SPMIP2: variants seen among roughly 807,000 people sequenced by gnomAD.
SPMIP2 encodes the protein protein SPMIP2.
At chr4:158,934,927 A>C in the SPMIP2 span, among the ~76,000 whole-genome samples, 3 of 152,142 alleles carry the variant, frequency 2.0e-5, no homozygotes, top group Admixed American at 2.0e-4. Context: ...AGCTCCATTC[A>C]TTCAGCAAAC....
chr4:159,029,086 C>T, the SPMIP2 span, among the ~76,000 whole-genome samples: 1 of 152,210 alleles, frequency 6.6e-6, no homozygotes, highest in African/African-American at 2.4e-5. Context: ...CAGAGCAAGA[C>T]TCTGTCTCAA....
the SPMIP2 span, among the ~76,000 whole-genome samples, chr4:158,979,486 C>A: frequency 6.6e-6 from 1 of 152,182 alleles, no homozygotes; most frequent in African/African-American, 2.4e-5. Flanking sequence ...AAGATCAACA[C>A]AGAAGGTGGG....
At chr4:158,953,975 G>A in the SPMIP2 span, among the ~76,000 whole-genome samples, 1 of 152,222 alleles carries the variant, frequency 6.6e-6, no homozygotes, top group African/African-American at 2.4e-5. Flanking sequence ...AGGCTCATAG[G>A]CAGAAGGGAC....
At chr4:159,036,964 A>G in the SPMIP2 span, among the ~76,000 whole-genome samples, 12 of 152,120 alleles carry the variant, frequency 7.9e-5, 1 homozygote, top group East Asian at 2.1e-3. Context: ...CCCAACTTTG[A>G]ACATTCCTAG....
chr4:158,907,326 T>C, the SPMIP2 span: 3 of 152,360 alleles, frequency 2.0e-5, no homozygotes, highest in Admixed American at 1.3e-4. Flanking sequence ...CGAAGTGTGC[T>C]GTTTTTTAAT....
At chr4:158,915,338 C>T in the SPMIP2 span, 1 of 1,612,324 alleles carries the variant, frequency 6.2e-7, no homozygotes, top group Non-Finnish European at 8.5e-7. Context: ...CTTGCATATC[C>T]AGGACATGAG....
At chr4:158,902,185 T>G in the SPMIP2 span, among the ~76,000 whole-genome samples, 1 of 152,144 alleles carries the variant, frequency 6.6e-6, no homozygotes, top group Non-Finnish European at 1.5e-5. Flanking sequence ...TGGACGTCCT[T>G]TTTGTTGATG....
At chr4:159,067,168 A>G in the SPMIP2 span, among the ~76,000 whole-genome samples, 3 of 152,238 alleles carry the variant, frequency 2.0e-5, no homozygotes, top group Non-Finnish European at 2.9e-5. Flanking sequence ...AAATAAACAT[A>G]AATGTGATTA....
At chr4:159,026,131 T>A in the SPMIP2 span, 1 of 319,232 alleles carries the variant, frequency 3.1e-6, no homozygotes, top group South Asian at 3.5e-5. Flanking sequence ...CCATGACCAC[T>A]GTTCAGCAGA....
the SPMIP2 span, among the ~76,000 whole-genome samples, chr4:158,992,221 T>G: frequency 1.3e-5 from 2 of 152,216 alleles, no homozygotes; most frequent in Admixed American, 1.3e-4. Context: ...CTTCATCAAA[T>G]GCTGCTCGTA....
At chr4:158,911,177 C>T in the SPMIP2 span, among the ~76,000 whole-genome samples, 3 of 151,946 alleles carry the variant, frequency 2.0e-5, no homozygotes, top group Admixed American at 1.3e-4. Context: ...GGTAACATTT[C>T]GTTAAAAGTG....
At chr4:158,898,456 C>A in the SPMIP2 span, among the ~76,000 whole-genome samples, 79 of 152,156 alleles carry the variant, frequency 5.2e-4, no homozygotes, top group African/African-American at 1.8e-3. Flanking sequence ...AATATTGATT[C>A]TTCCTATCCA....
chr4:159,059,672 C>T, the SPMIP2 span, among the ~76,000 whole-genome samples: 53 of 152,314 alleles, frequency 3.5e-4, no homozygotes, highest in African/African-American at 1.1e-3. Context: ...CACACTCAGG[C>T]TGAGTTAATT....
At chr4:158,939,705 T>A in the SPMIP2 span, among the ~76,000 whole-genome samples, 16 of 152,092 alleles carry the variant, frequency 1.1e-4, no homozygotes, top group African/African-American at 3.9e-4. Context: ...GGGCCGGGTG[T>A]GGTGGCTCAC....
At chr4:158,930,611 C>T in the SPMIP2 span, among the ~76,000 whole-genome samples, 2 of 151,974 alleles carry the variant, frequency 1.3e-5, no homozygotes, top group Non-Finnish European at 2.9e-5. Flanking sequence ...TCTGTCTCAG[C>T]CTCCTGAGAA....
At chr4:158,984,063 G>A in the SPMIP2 span, among the ~76,000 whole-genome samples, 6 of 124,004 alleles carry the variant, frequency 4.8e-5, no homozygotes, top group African/African-American at 1.5e-4. Context: ...ATTACATAAT[G>A]GTAAAGGGAT....
chr4:159,005,741 G>T, the SPMIP2 span, among the ~76,000 whole-genome samples: 2 of 152,138 alleles, frequency 1.3e-5, no homozygotes, highest in African/African-American at 4.8e-5. Flanking sequence ...ATTAAACAAA[G>T]TATATTATTA....
the SPMIP2 span, among the ~76,000 whole-genome samples, chr4:158,962,130 G>A: frequency 3.3e-5 from 5 of 152,016 alleles, no homozygotes; most frequent in Non-Finnish European, 5.9e-5. Flanking sequence ...TTCACATATC[G>A]TGAGTTACAC....
At chr4:158,965,246 C>G in the SPMIP2 span, among the ~76,000 whole-genome samples, 1 of 54,258 alleles carries the variant, frequency 1.8e-5, no homozygotes, top group Admixed American at 2.6e-4. Flanking sequence ...CAAAATACAC[C>G]AGGATTTTTT....
Sources: gnomAD v4.1 joint callset for allele counts (sites outside exome capture counted in the v4.1 genomes callset) on GRCh38, gnomAD v4.1.1 for gene constraint, MANE v1.5 for transcripts, NCBI Gene and HGNC (gene_info 2026-07-23, HGNC 2026-07-21) for gene names.